Variants in PHYHIPL observed in about 807,000 individuals in gnomAD.
PHYHIPL encodes phytanoyl-CoA 2-hydroxylase interacting protein like.
Under a neutral mutation model 33.4 loss-of-function variants are expected in PHYHIPL, and 9 were observed. The ratio of observed to expected loss-of-function variants is 0.27; its 90% confidence interval spans 0.16 to 0.47. The LOEUF (loss-of-function observed/expected upper bound fraction) is 0.47. Ranked by LOEUF, PHYHIPL falls within the 20% of genes least tolerant of loss-of-function variation. PHYHIPL has a pLI of 0.99. For synonymous variants in PHYHIPL, 153 were observed against 154.1 expected, an observed-to-expected ratio of 0.99 and a Z score of 0.05; for missense variants, 365 against 460.7, an observed-to-expected ratio of 0.79 and a Z score of 1.90.
At position 59,177,747 on chromosome 10, in the gene PHYHIPL, GGTTA is replaced by G. The variant is rs1838293082; in HGVS notation, c.106+793_106+796del. 5 of 1,152,328 alleles carry G rather than the reference GGTTA, an allele frequency of 4.3e-6. No individual in the cohort carries two copies. The Admixed American group carries it at 8.1e-5, about 19-fold the overall frequency. 71.4% of individuals were successfully genotyped at this position (1,152,328 alleles called of 1,614,324 possible). A position where few individuals can be genotyped will look rare whatever the true frequency, so the allele number is the denominator to read the frequency against. On this transcript the variant is annotated intron_variant, in intron 1 of 4. Transcript: ENST00000373880. ...CATAAGCTAGTGCTGTGTGCGGTGT[GGTTA>G]GTTACAGTGCTTCTGGGTTAGCTGG...
chr10:59,215,296 A>G (rs1364954854), intron 1 of PHYHIPL, among the ~76,000 whole-genome samples: 1 of 152,094 alleles, frequency 6.6e-6, no homozygotes, highest in Non-Finnish European at 1.5e-5. Context: ...TCACCTGAGT[A>G]GTAAAAGAAA....
At chr10:59,212,349 T>A (rs1839479644) in intron 1 of PHYHIPL, among the ~76,000 whole-genome samples, 1 of 152,238 alleles carries the variant, frequency 6.6e-6, no homozygotes, top group Admixed American at 6.5e-5. Context: ...AAGTTTAGCC[T>A]AAAGCTGCTT....
intron 1 of PHYHIPL, chr10:59,183,661 G>C: frequency 1.0e-6 from 1 of 985,188 alleles, no homozygotes. Flanking sequence ...GTATTTTGAA[G>C]ATGCTCAACA....
chr10:59,242,998 A>G (rs965448103), intron 4 of PHYHIPL, among the ~76,000 whole-genome samples: 1 of 152,216 alleles, frequency 6.6e-6, no homozygotes, highest in African/African-American at 2.4e-5. Flanking sequence ...CATAGAATTA[A>G]TAGCCGAAAT....
At chr10:59,235,857 T>C (rs1840215166) in intron 2 of PHYHIPL, among the ~76,000 whole-genome samples, 1 of 151,944 alleles carries the variant, frequency 6.6e-6, no homozygotes, top group Non-Finnish European at 1.5e-5. Flanking sequence ...GACTCTATAT[T>C]TGAATGAAAG....
rs115320252 is a variant in PHYHIPL at position 59,202,284 on chromosome 10, C to T, written c.106+25325C>T. 8.2e-3 allele frequency among the ~76,000 whole-genome samples: 1,239 copies of T among 151,970 alleles called. 25 individuals carry two copies. Among genetic ancestry groups the T allele is most frequent in the African/African-American group, 0.028 (1,170 of 41,448 alleles). ...GGTACACTAGAAGCCCATCCCCCAC[C>T]GTTATGCATATATTATCCATGTAAC... On this transcript the variant is annotated intron_variant, in intron 1 of 4. Transcript: ENST00000373880.
intron 1 of PHYHIPL, among the ~76,000 whole-genome samples, chr10:59,225,987 G>A (rs571516912): frequency 3.4e-4 from 52 of 152,060 alleles, no homozygotes; most frequent in African/African-American, 1.3e-3. Flanking sequence ...ACCAATAAGA[G>A]TCAGAAAAAT....
intron 1 of PHYHIPL, among the ~76,000 whole-genome samples, chr10:59,187,692 G>A (rs966947433): frequency 1.2e-4 from 19 of 152,208 alleles, no homozygotes; most frequent in African/African-American, 4.3e-4. Context: ...GTTTAGTCTT[G>A]GGAGGGTGTA....
chr10:59,184,848 G>T (rs909843788), intron 1 of PHYHIPL, among the ~76,000 whole-genome samples: 1 of 142,548 alleles, frequency 7.0e-6, no homozygotes, highest in South Asian at 2.2e-4. Context: ...CCCTTTCTGT[G>T]TCCATGTGTT....
At chr10:59,205,098 G>C (rs1047437046) in intron 1 of PHYHIPL, among the ~76,000 whole-genome samples, 1 of 152,082 alleles carries the variant, frequency 6.6e-6, no homozygotes, top group African/African-American at 2.4e-5. Flanking sequence ...CAGGTGATCT[G>C]CCTGCCTTGG....
chr10:59,175,395 A>G (rs1838231841), upstream of PHYHIPL, among the ~76,000 whole-genome samples: 1 of 152,184 alleles, frequency 6.6e-6, no homozygotes, highest in Non-Finnish European at 1.5e-5. Flanking sequence ...AGACTTCATC[A>G]TGTTATAGCT....
chr10:59,206,729 T>G, intron 1 of PHYHIPL: 1 of 1,093,010 alleles, frequency 9.1e-7, no homozygotes, highest in Non-Finnish European at 1.2e-6. Context: ...TAAAAGCTGT[T>G]ATGCATTTCT....
chr10:59,223,843 A>G (rs1839845192), intron 1 of PHYHIPL, among the ~76,000 whole-genome samples: 1 of 151,896 alleles, frequency 6.6e-6, no homozygotes, highest in Non-Finnish European at 1.5e-5. Context: ...GATTTTTTGT[A>G]GAGACAGGGT....
At chr10:59,243,401 A>G (rs1840483956) in intron 4 of PHYHIPL, among the ~76,000 whole-genome samples, 1 of 152,142 alleles carries the variant, frequency 6.6e-6, no homozygotes, top group Non-Finnish European at 1.5e-5. Context: ...CTGAAACAGG[A>G]AGGAAGGAAA....
At chr10:59,197,470 A>C (rs2133209656) in intron 1 of PHYHIPL, among the ~76,000 whole-genome samples, 1 of 152,284 alleles carries the variant, frequency 6.6e-6, no homozygotes, top group South Asian at 2.1e-4. Flanking sequence ...CTGTTGTGCA[A>C]AACTTCACCT....
chr10:59,208,402 C>G (rs545492983), intron 1 of PHYHIPL, among the ~76,000 whole-genome samples: 5 of 152,248 alleles, frequency 3.3e-5, no homozygotes, highest in African/African-American at 1.2e-4. Context: ...GACGTCCACA[C>G]AGAAACCTCA....
In PHYHIPL at chr10:59,176,809, A is replaced by G; in HGVS notation, c.-45A>G. On this transcript the variant is annotated 5_prime_UTR_variant, in exon 1 of 5. Coordinates refer to ENST00000373880, the MANE Select transcript of PHYHIPL (RefSeq NM_032439.4). ...CTTCTTGCCCACCCGGCCGGCAGAG[A>G]GAGCCTGGATACGAAGCAGGCGGGC... The G allele has an allele frequency of 6.5e-7, 1 of 1,550,050 alleles. No homozygotes were observed. The highest frequency in any genetic ancestry group is 8.8e-7 in the Non-Finnish European group (1 of 1,136,404).
At chr10:59,184,825 G>A (rs1304158442) in intron 1 of PHYHIPL, among the ~76,000 whole-genome samples, 1 of 148,730 alleles carries the variant, frequency 6.7e-6, no homozygotes, top group African/African-American at 2.5e-5. Context: ...ACAGACCCAG[G>A]TGTGTGATGT....
Position 59,247,667 on chromosome 10 carries a change from G to C in PHYHIPL, c.*2076G>C. ...CTGATGAGGACCTCTAATAGTCTCA[G>C]TTTGGCTTTTATGTGCTTATATTCA... On this transcript the variant is annotated 3_prime_UTR_variant, in exon 5 of 5. Transcript: ENST00000373880. 2 of 1,613,412 alleles carry C rather than the reference G, an allele frequency of 1.2e-6. No individual in the cohort carries two copies. The highest frequency in any genetic ancestry group is 8.5e-7 in the Non-Finnish European group (1 of 1,179,634).
Sources: gnomAD v4.1 joint callset for allele counts (sites outside exome capture counted in the v4.1 genomes callset) on GRCh38, gnomAD v4.1.1 for gene constraint, MANE v1.5 for transcripts, NCBI Gene and HGNC (gene_info 2026-07-23, HGNC 2026-07-21) for gene names.